The following MUC4 variants were observed in gnomAD, a reference collection of about 807,000 sequenced individuals.
The protein encoded by MUC4 is mucin-4.
MUC4 carries 202 observed loss-of-function variants against 257.9 expected under a neutral mutation model. The ratio of observed to expected loss-of-function variants is 0.78; its 90% confidence interval spans 0.70 to 0.88. MUC4 has a LOEUF of 0.88. Ranked by LOEUF, MUC4 falls within the 40% of genes least tolerant of loss-of-function variation. MUC4 has a pLI of 0.00. For synonymous variants in MUC4, 2,351 were observed against 2,757.1 expected (o/e 0.85, Z 4.62); for missense variants, 5,976 against 6,513.7 (o/e 0.92, Z 2.84).
At chr3:195,751,550 C>T in intron 21 of MUC4, 1 of 564,724 alleles carries the variant, frequency 1.8e-6, no homozygotes, top group Non-Finnish European at 3.2e-6. Flanking sequence ...TGAATGGCCC[C>T]TACCTTGCCT....
At chr3:195,747,444 T>C (rs1269427839) in intron 24 of MUC4, 64 bp from the exon 25 acceptor site, 8 of 1,537,332 alleles carry the variant, frequency 5.2e-6, no homozygotes, top group East Asian at 2.3e-5. Context: ...GCCCCTCCTC[T>C]TCTGCTGGGG....
At chr3:195,761,223 G>A in intron 15 of MUC4, 106 bp from the exon 16 acceptor site, 1 of 1,078,184 alleles carries the variant, frequency 9.3e-7, no homozygotes, top group Non-Finnish European at 1.4e-6. Context: ...GGCGGTGGGA[G>A]TGCAGGGCCA....
chr3:195,795,983 A>C (rs1017670834), intron 1 of MUC4, among the ~76,000 whole-genome samples: 7 of 152,140 alleles, frequency 4.6e-5, no homozygotes, highest in Admixed American at 3.9e-4. Flanking sequence ...AAAGTATGAA[A>C]ACTTAGATAA....
chr3:195,804,353 G>A (rs943207448), intron 1 of MUC4, among the ~76,000 whole-genome samples: 3 of 152,252 alleles, frequency 2.0e-5, no homozygotes, highest in Non-Finnish European at 4.4e-5. Context: ...TGGCCCCTCT[G>A]GTGACTCCAC....
Position 195,746,913 on chromosome 3 carries a change from C to G in MUC4, c.*263G>C, listed in dbSNP as rs75200017. On this transcript the variant is annotated 3_prime_UTR_variant, in exon 25 of 25. Transcript: ENST00000463781. ...GTGTGTGTGTGTGTGTGTGCACGCG[C>G]GCGTGCACAGGCTAGTGTCCTTCTG... The G allele has an allele frequency of 5.1e-6, 3 of 583,346 alleles. No homozygotes were observed. The highest frequency in any genetic ancestry group is 9.1e-6 in the Non-Finnish European group (3 of 329,886). The allele number at this position is 583,346 out of a possible 1,614,324, so 36.1% of individuals were successfully genotyped here. A position where few individuals can be genotyped will look rare whatever the true frequency, so the allele number is the denominator to read the frequency against.
At position 195,767,746 on chromosome 3, in the gene MUC4, C is replaced by CATT. The variant is rs1560264483; in HGVS notation, c.13530-996_13530-995insAAT. Among the ~76,000 whole-genome samples, 379 of 41,882 alleles carry CATT rather than the reference C, an allele frequency of 9.0e-3. 22 individuals are homozygous for CATT. The highest frequency in any genetic ancestry group is 0.012 in the Non-Finnish European group (282 of 22,666). 27.5% of individuals were successfully genotyped at this position (41,882 alleles called of 152,430 possible). On this transcript the variant is annotated intron_variant, in intron 7 of 24. Transcript: ENST00000463781. Reference sequence around the variant, plus strand: ...CCACCATCACCACCACCATCACCATCGCCACCACCACCATCACCACCACCA... The same window carrying CATT: ...CCACCATCACCACCACCATCACCATCATTGCCACCACCACCATCACCACCACCA...
chr3:195,759,234 C>A lies in MUC4; in HGVS notation c.14876G>T (p.Gly4959Val), dbSNP rs759597622. Residue 4959 changes from glycine to valine, a missense_variant, in exon 17 of 25, where the codon GGT becomes GTT. By Grantham distance (109) the Gly-to-Val change is moderately radical (BLOSUM62 -3). Transcript: ENST00000463781. The stretch of plus-strand genomic sequence containing the variant: ...CCCCTTGTAGGCTTCAATCACACGA[C>A]CACCATTGATGGAGGGCGGGTACTG... Reference protein sequence around the residue: ...LNQYPPSINGGRVIEAYKGQT... With the variant: ...LNQYPPSINGVRVIEAYKGQT... The A allele has an allele frequency of 1.9e-6, 3 of 1,613,934 alleles. No homozygotes were observed. In the African/African-American group the frequency reaches 4.0e-5, roughly 22 times the overall value.
chr3:195,747,281 G>A lies in MUC4; in HGVS notation c.16134C>T (p.Gly5378=), dbSNP rs199920657. The A allele has an allele frequency of 2.4e-5, 38 of 1,614,226 alleles. 1 individual carries two copies. The highest frequency in any genetic ancestry group is 2.2e-4 in the South Asian group (20 of 91,084). Residue 5378 remains glycine, a synonymous_variant, in exon 25 of 25, where the codon GGC becomes GGT. Transcript: ENST00000463781. ...TCCCGACCCCCAGCAGCAAGAGGCC[G>A]CCCAGGGCCCCAAAGAAGATGCCGA... ...AFFGIFFGAL[G]GLLLLGVGTF...
At position 195,779,303 on chromosome 3, in the gene MUC4, G is replaced by T; in HGVS notation, c.12277C>A (p.His4093Asn). Residue 4093 changes from histidine to asparagine, a missense_variant, in exon 2 of 25, where the codon CAC becomes AAC. His to Asn is a moderately conservative substitution (Grantham distance 68, BLOSUM62 1). This residue lies in a region of MUC4 where 293 missense variants were observed against 294.5 expected (regional missense o/e 1.00). Transcript: ENST00000463781. ...CTGGTGAGAGGAAGAGGGGTGGCGT[G>T]ACCGGTGGATGCTGAGGAAGCATCG... ...VTDASSASTG[H>N]ATPLPLTSLS... is the part of the protein sequence containing the mutation. The T allele has an allele frequency of 2.5e-6, 3 of 1,179,686 alleles. No individual in the cohort carries two copies. Among genetic ancestry groups the T allele is most frequent in the South Asian group, 2.7e-5 (2 of 72,954 alleles). The allele number at this position is 1,179,686 out of a possible 1,614,324, so 73.1% of individuals were successfully genotyped here.
Position 195,781,223 on chromosome 3 carries a change from G to C in MUC4, c.10357C>G (p.His3453Asp), listed in dbSNP as rs76305071. Residue 3453 changes from histidine to aspartate, a missense_variant, in exon 2 of 25, where the codon CAC (histidine) becomes GAC (aspartate). By Grantham distance (81) the His-to-Asp change is moderately conservative. Around this residue, in one of 44 missense-constraint regions of MUC4, gnomAD observed 297 missense variants for 240.9 expected, o/e 1.23. Coordinates refer to ENST00000463781, the MANE Select transcript of MUC4 (RefSeq NM_018406.7). ...VTSTSSASTG[H>D]TTPLPVTDTS... ...TCGGTGACAGGAAGAGGGGTGGTGT[G>C]ACCTGTAGATGCTGAGGAAGTGCTG... The C allele has an allele frequency of 1.3e-3, 1,784 of 1,382,250 alleles. 58 individuals carry two copies. The highest frequency in any genetic ancestry group is 8.4e-3 in the African/African-American group (460 of 54,722). 85.6% of individuals were successfully genotyped at this position (1,382,250 alleles called of 1,614,324 possible).
At chr3:195,759,336 C>T in intron 16 of MUC4, 75 bp from the exon 17 acceptor site, 1 of 1,562,526 alleles carries the variant, frequency 6.4e-7, no homozygotes, top group East Asian at 2.3e-5. Flanking sequence ...TCTTTCTCAA[C>T]TCTAATATGT....
At position 195,778,230 on chromosome 3, in the gene MUC4, G is replaced by A. The variant is rs1011452558; in HGVS notation, c.12943+73C>T. On this transcript the variant is annotated intron_variant, in intron 3 of 24. Transcript: ENST00000463781. ...CCCACCCGAGAGAGCGGAGACTGTGGGAAGTAGGCTGAGAGGGAGCCTTCA... is the reference window on the plus strand; with the variant it reads ...CCCACCCGAGAGAGCGGAGACTGTGAGAAGTAGGCTGAGAGGGAGCCTTCA... 22 of 1,492,294 alleles carry A rather than the reference G, an allele frequency of 1.5e-5. No individual in the cohort carries two copies. In the African/African-American group the frequency reaches 1.6e-4, roughly 11 times the overall value. 92.4% of individuals were successfully genotyped at this position (1,492,294 alleles called of 1,614,324 possible). A position where few individuals can be genotyped will look rare whatever the true frequency, so the allele number is the denominator to read the frequency against.
chr3:195,767,525 CCAT>C (rs1720976858), intron 7 of MUC4, among the ~76,000 whole-genome samples: 1 of 68,740 alleles, frequency 1.5e-5, no homozygotes, highest in Non-Finnish European at 3.2e-5. Flanking sequence ...ATCACCACCA[CCAT>C]CGCCACCACC....
intron 1 of MUC4, among the ~76,000 whole-genome samples, chr3:195,809,423 TG>T (rs1413991776): frequency 6.6e-6 from 1 of 151,824 alleles, no homozygotes; most frequent in Non-Finnish European, 1.5e-5. Flanking sequence ...CCTGTGGGGG[TG>T]GGGGCTGCCC....
intron 23 of MUC4, chr3:195,750,153 T>C (rs867399146): frequency 6.5e-6 from 1 of 153,180 alleles, no homozygotes; most frequent in East Asian, 1.9e-4. Context: ...CTCTGCCCTA[T>C]ACAGAAAATA....
At chr3:195,793,957 C>CTCATGTCTGGGAA (rs1470061820) in intron 1 of MUC4, among the ~76,000 whole-genome samples, 33 of 151,964 alleles carry the variant, frequency 2.2e-4, no homozygotes, top group African/African-American at 7.5e-4. Context: ...ATTTCCCAGG[C>CTCATGTCTGGGAA]AGAGGCCAGG....
chr3:195,759,691 C>G (rs148096715), intron 16 of MUC4, among the ~76,000 whole-genome samples: 1 of 151,996 alleles, frequency 6.6e-6, no homozygotes, highest in African/African-American at 2.4e-5. Flanking sequence ...AGGCCGAGGC[C>G]GGTGGATAAC....
At position 195,747,314 on chromosome 3, in the gene MUC4, G is replaced by C. The variant is rs138397680; in HGVS notation, c.16101C>G (p.Asp5367Glu). Reference protein sequence around the residue: ...EHCEHLSMKLDAFFGIFFGAL... With the variant: ...EHCEHLSMKLEAFFGIFFGAL... ...CCCCAAAGAAGATGCCGAAGAACGCGTCGAGTTTCATGCTCAGGTGCTCAC... is the reference window on the plus strand; with the variant it reads ...CCCCAAAGAAGATGCCGAAGAACGCCTCGAGTTTCATGCTCAGGTGCTCAC... Residue 5367 changes from aspartate to glutamate, a missense_variant, in exon 25 of 25, where the codon GAC (aspartate) becomes GAG (glutamate). By Grantham distance (45) the Asp-to-Glu change is conservative. Around this residue, in one of 44 missense-constraint regions of MUC4, gnomAD observed 310 missense variants for 242.1 expected, o/e 1.28. Coordinates refer to ENST00000463781, the MANE Select transcript of MUC4 (RefSeq NM_018406.7). The C allele has an allele frequency of 1.1e-4, 179 of 1,614,104 alleles. No individual in the cohort carries two copies. The highest frequency in any genetic ancestry group is 1.4e-4 in the Non-Finnish European group (168 of 1,179,906).
intron 4 of MUC4, among the ~76,000 whole-genome samples, chr3:195,772,684 C>G (rs113941454): frequency 0.19 from 18,994 of 102,164 alleles, 2,389 homozygotes; most frequent in African/African-American, 0.38. Context: ...TCTCTCCATC[C>G]CTCAGGGGTG....
Sources: gnomAD v4.1 joint callset for allele counts (sites outside exome capture counted in the v4.1 genomes callset) on GRCh38, gnomAD v4.1.1 for gene constraint, gnomAD v4.1.1 regional missense constraint, MANE v1.5 for transcripts, NCBI Gene and HGNC (gene_info 2026-07-23, HGNC 2026-07-21) for gene names.